RBFOX1: variants seen among roughly 807,000 people sequenced by gnomAD.
RBFOX1 encodes the protein RNA binding fox-1 homolog 1.
In RBFOX1, 8 loss-of-function variants were observed where a neutral mutation model predicts 57.7. The ratio of observed to expected loss-of-function variants is 0.14; its 90% CI spans 0.08 to 0.25. The LOEUF is 0.25. RBFOX1 is among the 10% of genes least tolerant of loss of function. The pLI, the probability that RBFOX1 is intolerant of heterozygous loss-of-function variation, is 1.00. For synonymous variants in RBFOX1, 326 were observed against 222.4 expected (o/e 1.47, Z -4.15); for missense variants, 611 against 548.5 (o/e 1.11, Z -1.14).
chr16:5,931,333 G>A (rs1478934963), intron 4 of RBFOX1, among the ~76,000 whole-genome samples: 1 of 152,126 alleles, frequency 6.6e-6, no homozygotes, highest in Admixed American at 6.5e-5. Context: ...CAAGGTGCGG[G>A]GAAAGGGGAC....
chr16:6,106,294 G>A (rs2096377685), intron 1 of RBFOX1, among the ~76,000 whole-genome samples: 1 of 85,028 alleles, frequency 1.2e-5, no homozygotes, highest in African/African-American at 5.9e-5. Context: ...CCCATCTCTA[G>A]TAAAAATACA....
chr16:7,372,555 G>A (rs922564888), intron 4 of RBFOX1, among the ~76,000 whole-genome samples: 7 of 152,174 alleles, frequency 4.6e-5, no homozygotes, highest in Admixed American at 3.9e-4. Flanking sequence ...TAGGAGCTCT[G>A]TCTGGAGAAG....
At chr16:5,968,193 G>T (rs557327896) in intron 4 of RBFOX1, among the ~76,000 whole-genome samples, 5 of 152,092 alleles carry the variant, frequency 3.3e-5, no homozygotes, top group Admixed American at 3.3e-4. Flanking sequence ...TGCTGTTTCA[G>T]CCTCCCCAGT....
intron 4 of RBFOX1, among the ~76,000 whole-genome samples, chr16:7,487,912 G>T (rs533572294): frequency 6.6e-6 from 1 of 152,094 alleles, no homozygotes; most frequent in African/African-American, 2.4e-5. Flanking sequence ...TATTACCAGC[G>T]TCCGATAATT....
chr16:6,129,747 G>GA (rs34774478), intron 1 of RBFOX1, among the ~76,000 whole-genome samples: 38,238 of 131,316 alleles, frequency 0.29, 5,928 homozygotes, highest in East Asian at 0.48. Context: ...TCATATTGAC[G>GA]AAAAAAAAAA....
chr16:6,687,979 C>G (rs2059682944), intron 3 of RBFOX1, among the ~76,000 whole-genome samples: 2 of 152,220 alleles, frequency 1.3e-5, no homozygotes, highest in African/African-American at 4.8e-5. Context: ...GCTAACAAAA[C>G]CACTCTTGGA....
intron 3 of RBFOX1, among the ~76,000 whole-genome samples, chr16:5,700,687 G>A (rs4786761): frequency 0.2 from 31,025 of 152,096 alleles, 4,452 homozygotes; most frequent in East Asian, 0.65. Flanking sequence ...GTTTTTGCCC[G>A]CTTCTGAGAC....
chr16:6,277,471 A>AAAAAAC (rs2075935718), intron 1 of RBFOX1, among the ~76,000 whole-genome samples: 1 of 151,070 alleles, frequency 6.6e-6, no homozygotes. Flanking sequence ...AAAAAAAAAA[A>AAAAAAC]AAAAAAACCT....
At chr16:6,941,581 A>C (rs938556723) in intron 3 of RBFOX1, among the ~76,000 whole-genome samples, 22 of 151,674 alleles carry the variant, frequency 1.5e-4, no homozygotes, top group African/African-American at 5.3e-4. Flanking sequence ...TCCAACAGGG[A>C]ATCTCCTCTA....
At chr16:6,128,793 G>A (rs1477686315) in intron 1 of RBFOX1, among the ~76,000 whole-genome samples, 7 of 152,160 alleles carry the variant, frequency 4.6e-5, no homozygotes. Flanking sequence ...ACAAGAATCT[G>A]TGCAGTGCTG....
intron 3 of RBFOX1, among the ~76,000 whole-genome samples, chr16:6,993,817 T>C (rs532505180): frequency 2.2e-4 from 33 of 152,302 alleles, no homozygotes; most frequent in African/African-American, 6.3e-4. Context: ...CATTTGATAG[T>C]ATGCTTGCAT....
chr16:5,905,410 C>T (rs1281416802), intron 4 of RBFOX1, among the ~76,000 whole-genome samples: 2 of 151,988 alleles, frequency 1.3e-5, no homozygotes, highest in African/African-American at 4.8e-5. Context: ...AGAGGGAAGC[C>T]CATGTGAAGA....
chr16:5,703,387 G>A (rs2051121334), intron 3 of RBFOX1, among the ~76,000 whole-genome samples: 2 of 152,212 alleles, frequency 1.3e-5, no homozygotes, highest in African/African-American at 4.8e-5. Context: ...CTCTAAATTG[G>A]GATGGAGTTT....
intron 1 of RBFOX1, among the ~76,000 whole-genome samples, chr16:5,373,172 G>C (rs2065902127): frequency 6.6e-6 from 1 of 152,156 alleles, no homozygotes; most frequent in Non-Finnish European, 1.5e-5. Context: ...GAGACACACA[G>C]CTGCTGCAGC....
rs1208505089 is a variant in RBFOX1 at position 5,999,909 on chromosome 16, AGTG to A, written c.351+132575_351+132577del. Among the ~76,000 whole-genome samples, 26 of 22,638 alleles carry A rather than the reference AGTG, an allele frequency of 1.1e-3. 1 individual carries two copies. Among genetic ancestry groups the A allele is most frequent in the Non-Finnish European group, 1.7e-3 (18 of 10,682 alleles). 14.9% of individuals were successfully genotyped at this position (22,638 alleles called of 152,430 possible). A position where few individuals can be genotyped will look rare whatever the true frequency, so the allele number is the denominator to read the frequency against. On this transcript the variant is annotated intron_variant, in intron 4 of 19. Coordinates refer to the RBFOX1 transcript ENST00000641259. ...AAAAAAAAAAAAAAAAAAAAAAAAG[AGTG>A]AAGAAGGGAAATCAGACAAGGAAAG...
At chr16:7,400,557 A>G (rs1443270640) in intron 4 of RBFOX1, among the ~76,000 whole-genome samples, 2 of 152,184 alleles carry the variant, frequency 1.3e-5, no homozygotes, top group African/African-American at 2.4e-5. Flanking sequence ...ATTCTTCAAG[A>G]ACACAGTTTG....
rs763691747 is a variant in RBFOX1 at position 5,599,159 on chromosome 16, G to T, written c.516G>T (p.Gln172His). 2.7e-5 allele frequency: 19 copies of T among 708,756 alleles called. 1 individual carries two copies. The South Asian group carries it at 2.8e-4, about 10-fold the overall frequency. The allele number at this position is 708,756 out of a possible 1,614,324, so 43.9% of individuals were successfully genotyped here. A position where few individuals can be genotyped will look rare whatever the true frequency, so the allele number is the denominator to read the frequency against. ...TTCTATCACTTGGGCCGTATTCCCA[G>T]CCTCTGGTACATGGTGTGAGAGCTG... is the stretch of plus-strand genomic sequence containing the variant. Residue 172 changes from glutamine to histidine, a missense_variant, in exon 3 of 3, where the codon CAG (glutamine) becomes CAT (histidine). Physicochemically the swap from Gln to His is conservative, Grantham distance 24 (BLOSUM62 0). Coordinates refer to the RBFOX1 transcript ENST00000585867.
downstream of RBFOX1, among the ~76,000 whole-genome samples, chr16:5,602,878 G>A: frequency 6.6e-6 from 1 of 152,160 alleles, no homozygotes; most frequent in East Asian, 1.9e-4. Flanking sequence ...AGTGTGTTCT[G>A]GACTGTTAAG....
intron 14 of RBFOX1, among the ~76,000 whole-genome samples, chr16:7,682,603 A>G (rs1377522668): frequency 2.0e-5 from 3 of 148,984 alleles, no homozygotes; most frequent in Non-Finnish European, 4.5e-5. Context: ...CTTGGGTTCT[A>G]TAATTTTTTT....
Sources: gnomAD v4.1 joint callset for allele counts (sites outside exome capture counted in the v4.1 genomes callset) on GRCh38, gnomAD v4.1.1 for gene constraint, MANE v1.5 for transcripts, NCBI Gene and HGNC (gene_info 2026-07-23, HGNC 2026-07-21) for gene names.